CCDC141: variants seen among roughly 807,000 people sequenced by gnomAD.
CCDC141 encodes the protein coiled-coil domain containing 141.
CCDC141 carries 168 observed loss-of-function variants against 181.0 expected under a neutral mutation model. That is an observed-to-expected ratio of 0.93 (90% CI 0.82 to 1.05). CCDC141 has a LOEUF of 1.05. Among genes scored for constraint, CCDC141 ranks in the 50% least tolerant of loss-of-function variants. The probability of loss-of-function intolerance (pLI) is 0.00; values close to 1 mark genes in which losing one functional copy is unlikely to be tolerated. For missense variants in CCDC141, 1,902 were observed against 1,788.5 expected (o/e 1.06, Z -1.14); for synonymous variants, 666 against 642.3 (o/e 1.04, Z -0.56).
At chr2:179,044,329 A>T (rs1326117198) in intron 2 of CCDC141, among the ~76,000 whole-genome samples, 2 of 152,222 alleles carry the variant, frequency 1.3e-5, no homozygotes, top group Non-Finnish European at 2.9e-5. Flanking sequence ...ATGAAACCAA[A>T]GAAGAGCCCG....
chr2:178,996,948 C>A (rs781470185), intron 2 of CCDC141, among the ~76,000 whole-genome samples: 2 of 152,126 alleles, frequency 1.3e-5, no homozygotes, highest in Non-Finnish European at 2.9e-5. Context: ...CCAATGCTTC[C>A]CAAGACCTAT....
At chr2:179,006,648 G>A (rs4243393) in intron 2 of CCDC141, among the ~76,000 whole-genome samples, 104,911 of 152,108 alleles carry the variant, frequency 0.69, 37,531 homozygotes, top group East Asian at 0.82. Context: ...AACACATTTC[G>A]TACAAGGGTT....
At chr2:178,844,848 A>G (rs879505428) in intron 22 of CCDC141, among the ~76,000 whole-genome samples, 10 of 152,208 alleles carry the variant, frequency 6.6e-5, no homozygotes, top group Admixed American at 6.5e-4. Context: ...TTGTTCCTTC[A>G]GCTCCTCAGG....
intron 17 of CCDC141, among the ~76,000 whole-genome samples, chr2:178,858,039 C>T (rs1191542206): frequency 6.6e-6 from 1 of 152,104 alleles, no homozygotes; most frequent in Non-Finnish European, 1.5e-5. Flanking sequence ...GCATCTGATA[C>T]ACATATACTT....
At chr2:178,927,084 C>T (rs1280206628) in intron 6 of CCDC141, among the ~76,000 whole-genome samples, 1 of 152,150 alleles carries the variant, frequency 6.6e-6, no homozygotes, top group Admixed American at 6.5e-5. Flanking sequence ...ATCCTTACCT[C>T]TAATGGTATG....
At chr2:178,978,840 C>T (rs111733771) in intron 2 of CCDC141, among the ~76,000 whole-genome samples, 165 bp from the exon 3 acceptor site, 1,986 of 152,144 alleles carry the variant, frequency 0.013, 43 homozygotes, top group African/African-American at 0.045. Flanking sequence ...AAGGAAGGAG[C>T]GATCAGGATT....
chr2:178,876,363 T>C (rs965710275), intron 12 of CCDC141: 2 of 152,172 alleles, frequency 1.3e-5, no homozygotes, highest in Admixed American at 6.5e-5. Flanking sequence ...AATTTACAGA[T>C]TGGTAAGCTT....
rs183416447 is a variant in CCDC141 at position 179,008,686 on chromosome 2, C to T, written c.226-30011G>A. Among the ~76,000 whole-genome samples, 12 of 152,214 alleles carry T rather than the reference C, an allele frequency of 7.9e-5. No individual in the cohort carries two copies. In the East Asian group the frequency reaches 2.1e-3, roughly 27 times the overall value. ...GGAAGCACCACTCCACATATATATT[C>T]TGGGGTGGAAAAATCAGGGCACCAA... On this transcript the variant is annotated intron_variant, in intron 2 of 23. Transcript: ENST00000443758.
chr2:178,855,383 C>A lies in CCDC141; in HGVS notation c.3024G>T (p.Leu1008Phe), dbSNP rs763392249. 9 of 1,611,740 alleles carry A rather than the reference C, an allele frequency of 5.6e-6. No individual in the cohort carries two copies. Among genetic ancestry groups the A allele is most frequent in the Non-Finnish European group, 7.6e-6 (9 of 1,179,302 alleles). ...DKVVTDYKKN[L>F]DLTEHFQEVI... is the part of the protein sequence containing the mutation. ...CCTCCTGGAAATGCTCAGTCAGGTC[C>A]AAATTCTTCTTGTAATCTGTCACAA... Residue 1008 changes from leucine (L) to phenylalanine (F), a missense_variant, in exon 19 of 24, where the codon TTG (leucine) becomes TTT (phenylalanine). Transcript: ENST00000443758.
intron 2 of CCDC141, among the ~76,000 whole-genome samples, chr2:178,991,070 A>G (rs1291346974): frequency 1.3e-5 from 2 of 152,204 alleles, no homozygotes; most frequent in African/African-American, 4.8e-5. Flanking sequence ...GCTATTGGCT[A>G]CTGAAACAAC....
chr2:179,015,396 T>TAC (rs1559049579), intron 2 of CCDC141, among the ~76,000 whole-genome samples: 5 of 138,176 alleles, frequency 3.6e-5, no homozygotes, highest in African/African-American at 1.1e-4. Flanking sequence ...ATATGTATCA[T>TAC]ATATCTCATA....
intron 2 of CCDC141, among the ~76,000 whole-genome samples, chr2:178,980,438 A>T (rs560793141): frequency 6.6e-5 from 10 of 152,304 alleles, no homozygotes; most frequent in African/African-American, 2.4e-4. Context: ...CAACAGAGCG[A>T]GACTCTGTCT....
At position 179,043,875 on chromosome 2, in the gene CCDC141, A is replaced by G. The variant is rs116173470; in HGVS notation, c.225+3409T>C. Among the ~76,000 whole-genome samples the G allele has an allele frequency of 7.2e-3, 1,102 of 152,338 alleles. 10 individuals carry two copies. Among genetic ancestry groups the G allele is most frequent in the African/African-American group, 0.025 (1,058 of 41,586 alleles). ...AAGTAAAACTATCTTTGCAGATGAC[A>G]TGATCCTACATCTAAGGACATAGGA... On this transcript the variant is annotated intron_variant, in intron 2 of 23. Transcript: ENST00000443758.
At chr2:178,835,457 A>G (rs1369235642) in intron 23 of CCDC141, among the ~76,000 whole-genome samples, 1 of 152,164 alleles carries the variant, frequency 6.6e-6, no homozygotes, top group Non-Finnish European at 1.5e-5. Context: ...ATTCTTGTTT[A>G]TTTATTTCTA....
At chr2:179,027,161 G>T (rs1392556552) in intron 2 of CCDC141, among the ~76,000 whole-genome samples, 7 of 152,138 alleles carry the variant, frequency 4.6e-5, no homozygotes, top group Non-Finnish European at 1.0e-4. Flanking sequence ...CATGAGATTT[G>T]CTAGGGGCCA....
At chr2:178,887,838 G>A (rs1469700008) in intron 9 of CCDC141, among the ~76,000 whole-genome samples, 1 of 152,156 alleles carries the variant, frequency 6.6e-6, no homozygotes, top group Non-Finnish European at 1.5e-5. Flanking sequence ...CCAAGCCTCT[G>A]CAGCAAGATT....
chr2:178,985,269 G>A (rs1335901318), intron 2 of CCDC141, among the ~76,000 whole-genome samples: 2 of 150,990 alleles, frequency 1.3e-5, no homozygotes, highest in African/African-American at 4.9e-5. Context: ...TGAAACCAAT[G>A]AGAACAAAGA....
chr2:178,991,738 C>T (rs1433457159), intron 2 of CCDC141, among the ~76,000 whole-genome samples: 1 of 151,998 alleles, frequency 6.6e-6, no homozygotes, highest in Non-Finnish European at 1.5e-5. Context: ...ATCTCAATTA[C>T]CAAGACTTCA....
intron 2 of CCDC141, among the ~76,000 whole-genome samples, chr2:179,006,656 G>T (rs898893617): frequency 1.3e-5 from 2 of 152,134 alleles, no homozygotes; most frequent in Non-Finnish European, 2.9e-5. Flanking sequence ...TCGTACAAGG[G>T]TTTAAAATTA....
Sources: gnomAD v4.1 joint callset for allele counts (sites outside exome capture counted in the v4.1 genomes callset) on GRCh38, gnomAD v4.1.1 for gene constraint, MANE v1.5 for transcripts, NCBI Gene and HGNC (gene_info 2026-07-23, HGNC 2026-07-21) for gene names.